Variants in NCOA1 observed in about 807,000 individuals in gnomAD.
NCOA1 encodes the protein Hin-2 protein.
A neutral mutation model predicts 150.9 loss-of-function variants in NCOA1; 35 were observed. That is an observed-to-expected ratio of 0.23 (90% CI 0.18 to 0.31). The LOEUF is 0.31. Ranked by LOEUF, NCOA1 falls within the 10% of genes least tolerant of loss-of-function variation. The pLI is 1.00. For missense variants in NCOA1, 1,491 were observed against 1,749.3 expected (o/e 0.85, Z 2.63); for synonymous variants, 590 against 630.0 (o/e 0.94, Z 0.95).
intron 1 of NCOA1, among the ~76,000 whole-genome samples, chr2:24,514,070 C>T (rs992220328): frequency 1.3e-5 from 2 of 151,854 alleles, no homozygotes; most frequent in Admixed American, 6.6e-5. Flanking sequence ...AGGCGGATCA[C>T]GAGGTCAGGA....
chr2:24,752,511 T>C (rs1664301274), intron 20 of NCOA1, among the ~76,000 whole-genome samples: 1 of 152,200 alleles, frequency 6.6e-6, no homozygotes, highest in Admixed American at 6.5e-5. Context: ...CTAAGGCAAA[T>C]TTGTGTGCTG....
rs111789031 is a variant in NCOA1 at position 24,729,002 on chromosome 2, C to T, written c.2887-499C>T. Among the ~76,000 whole-genome samples, 387 of 152,350 alleles carry T rather than the reference C, an allele frequency of 2.5e-3. 1 individual carries two copies. Among genetic ancestry groups the T allele is most frequent in the African/African-American group, 9.0e-3 (373 of 41,578 alleles). ...ACACACACACAAGCACACGCGCACG[C>T]GCGCAATTAGGTCACAATTTATATT... On this transcript the variant is annotated intron_variant, in intron 16 of 22. Transcript: ENST00000348332.
chr2:24,620,037 A>G (rs746109446), intron 3 of NCOA1, among the ~76,000 whole-genome samples: 54 of 151,670 alleles, frequency 3.6e-4, no homozygotes, highest in Admixed American at 7.2e-4. Context: ...GTCTTTTCAG[A>G]CTCCTCAGTC....
At chr2:24,520,633 A>G (rs1457606869) in intron 1 of NCOA1, among the ~76,000 whole-genome samples, 2 of 152,248 alleles carry the variant, frequency 1.3e-5, no homozygotes, top group Non-Finnish European at 2.9e-5. Flanking sequence ...CATAAGATGC[A>G]CAAGGAAACT....
rs1663497551 is a variant in NCOA1 at position 24,739,480 on chromosome 2, G to T, written c.3250G>T (p.Ala1084Ser). Residue 1084 changes from alanine to serine, a missense_variant, in exon 18 of 23, where the codon GCT becomes TCT. By Grantham distance (99) the Ala-to-Ser change is moderately conservative (BLOSUM62 1). Coordinates refer to ENST00000348332, the MANE Select transcript of NCOA1 (RefSeq NM_003743.5). ...TATCTTAAACCAGTTTGCAGCAACT[G>T]CTCCTGTTGGCATCAATATGAGATC... The part of the protein sequence containing the change: ...QAILNQFAAT[A>S]PVGINMRSGM... 1 of 1,613,768 alleles carries T rather than the reference G, an allele frequency of 6.2e-7. No individual in the cohort carries two copies. The highest frequency in any genetic ancestry group is 1.1e-5 in the South Asian group (1 of 91,070).
intron 6 of NCOA1, among the ~76,000 whole-genome samples, chr2:24,673,145 CATGT>C (rs1418736068): frequency 6.6e-6 from 1 of 152,036 alleles, no homozygotes; most frequent in Non-Finnish European, 1.5e-5. Flanking sequence ...TTCATGCTAC[CATGT>C]ATTAGTTGTA....
At chr2:24,762,183 AACTGTTAGGGATC>A (rs1664823944) in intron 21 of NCOA1, among the ~76,000 whole-genome samples, 1 of 152,234 alleles carries the variant, frequency 6.6e-6, no homozygotes, top group Non-Finnish European at 1.5e-5. Context: ...GGGACTGCTG[AACTGTTAGGGATC>A]ACTGTCCTTC....
intron 2 of NCOA1, among the ~76,000 whole-genome samples, chr2:24,576,535 A>C (rs560199491): frequency 1.3e-5 from 2 of 152,168 alleles, no homozygotes; most frequent in Non-Finnish European, 2.9e-5. Flanking sequence ...TCTGACTGGT[A>C]TCTAATATCT....
chr2:24,656,087 CA>C (rs58446937), intron 4 of NCOA1, among the ~76,000 whole-genome samples: 12,866 of 62,108 alleles, frequency 0.21, 324 homozygotes, highest in East Asian at 0.36. Context: ...GACTCCGTCT[CA>C]AAAAAAAAAA....
intron 1 of NCOA1, among the ~76,000 whole-genome samples, chr2:24,562,843 G>A (rs1666342102): frequency 6.6e-6 from 1 of 152,160 alleles, no homozygotes; most frequent in Non-Finnish European, 1.5e-5. Flanking sequence ...AGAGCAGGTA[G>A]AGTGCATCCA....
At chr2:24,604,234 C>G (rs959170555) in intron 3 of NCOA1, among the ~76,000 whole-genome samples, 2 of 152,168 alleles carry the variant, frequency 1.3e-5, no homozygotes, top group African/African-American at 4.8e-5. Flanking sequence ...GTAAATTAAA[C>G]GTAATTCTTA....
At chr2:24,623,168 A>C (rs1669251485) in intron 3 of NCOA1, among the ~76,000 whole-genome samples, 1 of 152,230 alleles carries the variant, frequency 6.6e-6, no homozygotes, top group Non-Finnish European at 1.5e-5. Context: ...GTTCACCTCA[A>C]ACCTCCCTAG....
intron 3 of NCOA1, among the ~76,000 whole-genome samples, chr2:24,602,807 G>T (rs1327514190): frequency 2.0e-5 from 3 of 152,082 alleles, no homozygotes; most frequent in Non-Finnish European, 4.4e-5. Context: ...ATGTACATCA[G>T]CCTCAGAAAT....
intron 4 of NCOA1, among the ~76,000 whole-genome samples, chr2:24,645,106 C>T (rs1196280165): frequency 1.3e-5 from 2 of 152,116 alleles, no homozygotes; most frequent in African/African-American, 2.4e-5. Flanking sequence ...GCAAAACTCT[C>T]AGTTGGCAGA....
In NCOA1 at chr2:24,691,582, C is replaced by G; in HGVS notation, c.634C>G (p.Gln212Glu). The change falls in exon 9 of 23, where the codon CAA (glutamine) becomes GAA (glutamate). Residue 212 changes from glutamine to glutamate, a missense_variant. Around this residue, in one of 8 missense-constraint regions of NCOA1, gnomAD observed 99 missense variants for 122.8 expected, o/e 0.81. Transcript: ENST00000348332. Reference sequence around the variant, plus strand: ...TCCAGATGAGCCAGGGACCGAGAACCAAGAAGCTTGCCAGCGTTATGAAGT... The same window carrying G: ...TCCAGATGAGCCAGGGACCGAGAACGAAGAAGCTTGCCAGCGTTATGAAGT... Reference protein sequence around the residue: ...HPPDEPGTENQEACQRYEVMQ... With the variant: ...HPPDEPGTENEEACQRYEVMQ... 1 of 1,614,080 alleles carries G rather than the reference C, an allele frequency of 6.2e-7. No individual in the cohort carries two copies. Among genetic ancestry groups the G allele is most frequent in the Non-Finnish European group, 8.5e-7 (1 of 1,180,008 alleles).
chr2:24,515,069 A>G lies in NCOA1; in HGVS notation c.-396+23467A>G, dbSNP rs979363163. ...TGGAATAAGTTACCAAAGTTGTTTA[A>G]TCTAATTTAGCATTGAGAAAGAACT... On this transcript the variant is annotated intron_variant, in intron 1 of 22. Transcript: ENST00000348332. 7.2e-5 allele frequency among the ~76,000 whole-genome samples: 11 copies of G among 152,300 alleles called. No homozygotes were observed. The South Asian group carries it at 1.0e-3, about 14-fold the overall frequency.
rs55833778 is a variant in NCOA1, at chr2:24,693,009, C to T, written c.713-243C>T. 6.3e-4 allele frequency among the ~76,000 whole-genome samples: 96 copies of T among 152,258 alleles called. 1 individual carries two copies. The highest frequency in any genetic ancestry group is 2.1e-3 in the African/African-American group (86 of 41,558). On this transcript the variant is annotated intron_variant, in intron 9 of 22. Coordinates refer to ENST00000348332, the MANE Select transcript of NCOA1 (RefSeq NM_003743.5). ...CCGAGTAGCGGGGACTGCAGGCGCC[C>T]GCCACCATGCCCGGCTAATTTTTTT...
At chr2:24,587,007 G>C (rs981901484) in intron 3 of NCOA1, among the ~76,000 whole-genome samples, 5 of 151,812 alleles carry the variant, frequency 3.3e-5, no homozygotes, top group Non-Finnish European at 7.4e-5. Flanking sequence ...CGTTTCTCAG[G>C]ACAGAAGGAC....
intron 1 of NCOA1, among the ~76,000 whole-genome samples, chr2:24,525,551 CTTT>C (rs769430095): frequency 5.7e-5 from 8 of 139,402 alleles, no homozygotes; most frequent in Admixed American, 7.1e-5. Context: ...TTAGAAAGTT[CTTT>C]TTTTTTTTTT....
Sources: allele counts gnomAD v4.1 joint callset (sites outside exome capture counted in the v4.1 genomes callset), GRCh38; gene constraint gnomAD v4.1.1; regional missense constraint gnomAD v4.1.1; transcripts MANE v1.5; gene names NCBI Gene and HGNC (gene_info 2026-07-23, HGNC 2026-07-21).